The following KIRREL3 variants were observed in gnomAD, a reference collection of about 807,000 sequenced individuals.
KIRREL3 encodes the protein kirre like nephrin family adhesion molecule 3, also known as kin of IRRE-like protein 3.
In KIRREL3, 36 loss-of-function variants were observed where a neutral mutation model predicts 89.7. That is an observed-to-expected ratio of 0.40 (90% CI 0.31 to 0.53). The LOEUF is 0.53. Ranked by LOEUF, KIRREL3 falls within the 20% of genes least tolerant of loss-of-function variation. The pLI is 0.49. For synonymous variants in KIRREL3, 445 were observed against 441.4 expected (o/e 1.01, Z -0.10); for missense variants, 864 against 1,056.6 (o/e 0.82, Z 2.53).
chr11:126,783,537 G>A lies in KIRREL3; in HGVS notation c.55+216918C>T, dbSNP rs1394310919. ...CACACTAATGAGGGTCTGTCAAAGG[G>A]ACACAGAAGCCAACTGAAAGAGCTC... is the stretch of plus-strand genomic sequence containing the variant. On this transcript the variant is annotated intron_variant, in intron 1 of 16. Transcript: ENST00000525144. This position sits in a 1 kb window ranked among gnomAD's most constrained non-coding sequence, Gnocchi z 4.3. 1.3e-5 allele frequency among the ~76,000 whole-genome samples: 2 copies of A among 152,168 alleles called. No homozygotes were observed. The highest frequency in any genetic ancestry group is 2.9e-5 in the Non-Finnish European group (2 of 68,042).
chr11:126,785,339 C>T (rs1055563516), intron 1 of KIRREL3, among the ~76,000 whole-genome samples: 2 of 152,150 alleles, frequency 1.3e-5, no homozygotes, highest in African/African-American at 4.8e-5. Flanking sequence ...CCTTTTCAGC[C>T]TTACAAAGAA....
chr11:126,509,314 G>A (rs1382420222), intron 4 of KIRREL3, among the ~76,000 whole-genome samples: 2 of 152,146 alleles, frequency 1.3e-5, no homozygotes, highest in Non-Finnish European at 2.9e-5. Flanking sequence ...GTCTTGGAAT[G>A]CCCTCACCCC....
chr11:126,721,611 T>C (rs1948174138), intron 1 of KIRREL3, among the ~76,000 whole-genome samples: 1 of 148,618 alleles, frequency 6.7e-6, no homozygotes, highest in African/African-American at 2.5e-5. Context: ...TGGCACAGAG[T>C]AGGTGCCTCT....
At chr11:126,798,936 G>A (rs964739541) in intron 1 of KIRREL3, among the ~76,000 whole-genome samples, 2 of 152,246 alleles carry the variant, frequency 1.3e-5, no homozygotes, top group African/African-American at 4.8e-5. Flanking sequence ...GCCCGCCACA[G>A]AGGAGCACAT....
At chr11:126,433,329 G>A (rs1955204314) in intron 13 of KIRREL3, among the ~76,000 whole-genome samples, 1 of 152,176 alleles carries the variant, frequency 6.6e-6, no homozygotes, top group Non-Finnish European at 1.5e-5. Flanking sequence ...TTTAAAGGGA[G>A]GAGAAAGACC....
intron 1 of KIRREL3, among the ~76,000 whole-genome samples, chr11:126,670,822 C>T (rs200490618): frequency 6.6e-6 from 1 of 152,170 alleles, no homozygotes; most frequent in East Asian, 1.9e-4. Flanking sequence ...ATACAACAAA[C>T]TTAATGTAAA....
At chr11:126,638,309 T>A (rs1323131339) in intron 1 of KIRREL3, among the ~76,000 whole-genome samples, 1 of 152,236 alleles carries the variant, frequency 6.6e-6, no homozygotes, top group African/African-American at 2.4e-5. Flanking sequence ...ATCTCCACAA[T>A]GTTCCCTGTT....
chr11:126,758,783 C>A (rs752479853), intron 1 of KIRREL3, among the ~76,000 whole-genome samples: 1 of 152,098 alleles, frequency 6.6e-6, no homozygotes. Flanking sequence ...ATAGCTGTGG[C>A]GCTAGATGAC....
Position 126,562,894 on chromosome 11 carries a change from C to T in KIRREL3, c.74G>A (p.Arg25Lys). The change falls in exon 2 of 17, where the codon AGA (arginine) becomes AAA (lysine). Residue 25 changes from arginine (R) to lysine (K), a missense_variant. Transcript: ENST00000525144. This position sits in a 1 kb window ranked among gnomAD's most constrained non-coding sequence, Gnocchi z 4.7. The part of the protein sequence containing the change: ...LFSQELGLQK[R>K]GCCLVLGYMA... Reference sequence around the variant, plus strand: ...GTAGCCCAGCACCAGACAGCATCCTCTCTTCTGGAGGCCCAGCTCTGGAAG... The same window carrying T: ...GTAGCCCAGCACCAGACAGCATCCTTTCTTCTGGAGGCCCAGCTCTGGAAG... 6.2e-7 allele frequency: 1 copy of T among 1,613,834 alleles called. No individual in the cohort carries two copies. Among genetic ancestry groups the T allele is most frequent in the Non-Finnish European group, 8.5e-7 (1 of 1,179,774 alleles).
rs544794703 is a variant in KIRREL3, at chr11:126,797,670, A to C, written c.55+202785T>G. 2.0e-5 allele frequency among the ~76,000 whole-genome samples: 3 copies of C among 152,272 alleles called. No homozygotes were observed. The South Asian group carries it at 6.2e-4, about 32-fold the overall frequency. On this transcript the variant is annotated intron_variant, in intron 1 of 16. Transcript: ENST00000525144. This position sits in a 1 kb window ranked among gnomAD's most constrained non-coding sequence, Gnocchi z 4.9. The stretch of plus-strand genomic sequence containing the variant: ...GCAGCGGGAGTCTCAGCATCCAAGC[A>C]CAATCAGCACTGGGTCGATGTATAT...
chr11:126,739,143 C>T lies in KIRREL3; in HGVS notation c.56-176231G>A, dbSNP rs986184668. Among the ~76,000 whole-genome samples the T allele has an allele frequency of 1.3e-5, 2 of 152,356 alleles. No individual in the cohort carries two copies. Among genetic ancestry groups the T allele is most frequent in the African/African-American group, 4.8e-5 (2 of 41,588 alleles). ...AGCAGGATGGAAACTCCAATCCAGA[C>T]TGTTCTGGCTCCAAAGCCAAACCCT... On this transcript the variant is annotated intron_variant, in intron 1 of 16. Transcript: ENST00000525144. The surrounding 1 kb of genome is among the most constrained non-coding windows in gnomAD (Gnocchi z 5.5).
intron 7 of KIRREL3, 99 bp from the exon 8 acceptor site, chr11:126,449,256 G>T: frequency 7.4e-7 from 1 of 1,355,994 alleles, no homozygotes; most frequent in Non-Finnish European, 1.0e-6. Flanking sequence ...GGCCTGGGTT[G>T]TGTGGCAAGT....
In KIRREL3 at chr11:126,513,338, G is replaced by A. The variant is rs911680512; in HGVS notation, c.433+7977C>T. ...TGGCGAGTGGGCACTTGGATAGGCA[G>A]TGTCGAGCTTCTGGGCCCCTCCAGA... On this transcript the variant is annotated intron_variant, in intron 4 of 16. Coordinates refer to ENST00000525144, the MANE Select transcript of KIRREL3 (RefSeq NM_032531.4). This position sits in a 1 kb window ranked among gnomAD's most constrained non-coding sequence, Gnocchi z 5.9. 3.9e-5 allele frequency among the ~76,000 whole-genome samples: 6 copies of A among 152,132 alleles called. No homozygotes were observed. The highest frequency in any genetic ancestry group is 7.3e-5 in the Non-Finnish European group (5 of 68,032).
intron 1 of KIRREL3, among the ~76,000 whole-genome samples, chr11:126,762,518 T>C (rs1484063485): frequency 6.6e-6 from 1 of 152,208 alleles, no homozygotes; most frequent in Non-Finnish European, 1.5e-5. Flanking sequence ...TCTTGGGCAA[T>C]GGGAGGTGAG....
rs2135109389 is a variant in KIRREL3 at position 126,940,522 on chromosome 11, A to G, written c.55+59933T>C. On this transcript the variant is annotated intron_variant, in intron 1 of 16. Transcript: ENST00000525144. The surrounding 1 kb of genome is among the most constrained non-coding windows in gnomAD (Gnocchi z 4.6). ...TTACAAACGGCCTTCACTACTCTGG[A>G]CTGCATTTAAATTTACAACAGAGAG... 1 of 152,322 alleles carries G rather than the reference A, an allele frequency of 6.6e-6. No individual in the cohort carries two copies. The highest frequency in any genetic ancestry group is 1.9e-4 in the East Asian group (1 of 5,182). The allele number at this position is 152,322 out of a possible 1,614,324, so 9.4% of individuals were successfully genotyped here.
chr11:126,660,142 G>A (rs73030571), intron 1 of KIRREL3, among the ~76,000 whole-genome samples: 32,065 of 152,126 alleles, frequency 0.21, 3,771 homozygotes, highest in South Asian at 0.44. Context: ...GAAGGGCAAA[G>A]GAGGCCCTTT....
At chr11:126,936,470 C>T (rs1948189272) in intron 1 of KIRREL3, 1 of 136,710 alleles carries the variant, frequency 7.3e-6, no homozygotes, top group Non-Finnish European at 1.6e-5. Flanking sequence ...ATAACAGCAA[C>T]AAAGTGGAAA....
At position 126,912,147 on chromosome 11, in the gene KIRREL3, G is replaced by A. The variant is rs1946848337; in HGVS notation, c.55+88308C>T. ...CTAGATGTCGTGAATCAAGCCTCTG[G>A]CAAGGACAGCGCAGTGACCAACCCT... On this transcript the variant is annotated intron_variant, in intron 1 of 16. Coordinates refer to ENST00000525144, the MANE Select transcript of KIRREL3 (RefSeq NM_032531.4). The surrounding 1 kb of genome is among the most constrained non-coding windows in gnomAD (Gnocchi z 4.7). 6.6e-6 allele frequency among the ~76,000 whole-genome samples: 1 copy of A among 152,180 alleles called. No homozygotes were observed. Among genetic ancestry groups the A allele is most frequent in the East Asian group, 1.9e-4 (1 of 5,144 alleles).
At chr11:126,426,119 A>G (rs139226560) in intron 15 of KIRREL3, among the ~76,000 whole-genome samples, 282 of 152,386 alleles carry the variant, frequency 1.9e-3, no homozygotes, top group Middle Eastern at 3.4e-3. Context: ...ACATTAAGAT[A>G]CAGCTCTGCT....
Sources: gnomAD v4.1 joint callset for allele counts (sites outside exome capture counted in the v4.1 genomes callset) on GRCh38, gnomAD v4.1.1 for gene constraint, Gnocchi (gnomAD v3.1) non-coding constraint, MANE v1.5 for transcripts, NCBI Gene and HGNC (gene_info 2026-07-23, HGNC 2026-07-21) for gene names.